RAB7A: variants seen among roughly 807,000 people sequenced by gnomAD.
The protein encoded by RAB7A is RAB7A, member RAS oncogene family, also known as ras-related protein Rab-7a.
RAB7A carries 2 observed loss-of-function variants against 24.5 expected under a neutral mutation model. The observed-to-expected ratio is 0.08, with a 90% confidence interval of 0.03 to 0.26. The LOEUF (loss-of-function observed/expected upper bound fraction) is 0.26, where lower values mean the gene tolerates loss of function less well. Among genes scored for constraint, RAB7A ranks in the 10% least tolerant of loss-of-function variants. The probability of loss-of-function intolerance (pLI) is 1.00; values close to 1 mark genes in which losing one functional copy is unlikely to be tolerated. For synonymous variants in RAB7A, 100 were observed against 95.9 expected (o/e 1.04, Z -0.25); for missense variants, 118 against 255.7 (o/e 0.46, Z 3.67).
intron 1 of RAB7A, among the ~76,000 whole-genome samples, chr3:128,752,698 A>G (rs975097832): frequency 2.7e-5 from 4 of 150,150 alleles, no homozygotes; most frequent in South Asian, 2.1e-4. Flanking sequence ...GGAATAATCC[A>G]TAGTGGTTTT....
intron 1 of RAB7A, among the ~76,000 whole-genome samples, chr3:128,783,606 T>C (rs1276175317): frequency 2.0e-5 from 3 of 152,204 alleles, no homozygotes; most frequent in Non-Finnish European, 2.9e-5. Context: ...CTCAGGCCTC[T>C]AGCCTTGGTG....
chr3:128,733,539 A>G (rs2070458373), intron 1 of RAB7A, among the ~76,000 whole-genome samples: 1 of 152,208 alleles, frequency 6.6e-6, no homozygotes, highest in South Asian at 2.1e-4. Context: ...TCAATTCTGA[A>G]GGTTAGAAAT....
chr3:128,771,572 T>C (rs550796325), intron 1 of RAB7A, among the ~76,000 whole-genome samples: 7 of 152,372 alleles, frequency 4.6e-5, no homozygotes, highest in East Asian at 1.9e-4. Flanking sequence ...TGTACTCATA[T>C]CTTCACAGGA....
chr3:128,730,935 A>G (rs574931370), intron 1 of RAB7A, among the ~76,000 whole-genome samples: 1 of 152,188 alleles, frequency 6.6e-6, no homozygotes, highest in African/African-American at 2.4e-5. Context: ...AAGGGAGCCT[A>G]TTTAAGGGGA....
chr3:128,793,289 A>G (rs1379491685), intron 1 of RAB7A, among the ~76,000 whole-genome samples: 2 of 146,796 alleles, frequency 1.4e-5, no homozygotes, highest in East Asian at 2.1e-4. Context: ...CCAAAGTGCT[A>G]GGATTACAGG....
At chr3:128,796,147 C>T (rs1253499970) in intron 2 of RAB7A, among the ~76,000 whole-genome samples, 2 of 152,124 alleles carry the variant, frequency 1.3e-5, no homozygotes, top group Non-Finnish European at 2.9e-5. Flanking sequence ...GAACTGGGTT[C>T]TGATTCTAGA....
intron 1 of RAB7A, among the ~76,000 whole-genome samples, chr3:128,776,707 T>C (rs904402563): frequency 1.4e-4 from 22 of 152,092 alleles, no homozygotes. Flanking sequence ...ACTGATTCCA[T>C]ATCCTTTGGC....
chr3:128,729,591 C>T (rs113921425), intron 1 of RAB7A, among the ~76,000 whole-genome samples: 83 of 146,292 alleles, frequency 5.7e-4, no homozygotes, highest in African/African-American at 2.0e-3. Flanking sequence ...AAAAAAAAGT[C>T]TTCAAAGGGA....
rs543055385 is a variant in RAB7A, at chr3:128,755,760, A to G, written c.-9+29401A>G. ...TGGAAGATTTTTTAATTTCATGAAT[A>G]ATGGTAATGATTTTTTTTAAATTAT... On this transcript the variant is annotated intron_variant, in intron 1 of 5. Coordinates refer to ENST00000265062, the MANE Select transcript of RAB7A (RefSeq NM_004637.6). Among the ~76,000 whole-genome samples, 22 of 152,276 alleles carry G rather than the reference A, an allele frequency of 1.4e-4. No individual in the cohort carries two copies. In the East Asian group the frequency reaches 3.9e-3, roughly 27 times the overall value.
At chr3:128,808,230 G>T (rs995124693) in intron 5 of RAB7A, among the ~76,000 whole-genome samples, 12 of 152,024 alleles carry the variant, frequency 7.9e-5, no homozygotes, top group Non-Finnish European at 1.5e-4. Flanking sequence ...CCTGGTGGTG[G>T]TCGCCAGTAA....
intron 1 of RAB7A, among the ~76,000 whole-genome samples, chr3:128,794,817 T>C (rs1477797447): frequency 6.6e-6 from 1 of 151,974 alleles, no homozygotes; most frequent in Non-Finnish European, 1.5e-5. Flanking sequence ...TACTTGGCAT[T>C]GAGTATACAG....
chr3:128,795,537 C>A lies in RAB7A; in HGVS notation c.53+117C>A, dbSNP rs1444224605. ...TTTCATAGTGAGGCTTAGGGCCTTA[C>A]ATGTTTCCCTCCACGGCAGAAATTT... On this transcript the variant is annotated intron_variant, in intron 2 of 5. Transcript: ENST00000265062. The A allele has an allele frequency of 9.9e-6, 9 of 913,298 alleles. No individual in the cohort carries two copies. The South Asian group carries it at 1.2e-4, about 12-fold the overall frequency. The allele number at this position is 913,298 out of a possible 1,614,324, so 56.6% of individuals were successfully genotyped here.
chr3:128,774,185 TA>T (rs34234745), intron 1 of RAB7A, among the ~76,000 whole-genome samples: 31,412 of 114,874 alleles, frequency 0.27, 4,933 homozygotes, highest in African/African-American at 0.5. Context: ...ATGTATTAAC[TA>T]AAAAAAAAAA....
chr3:128,804,865 G>A (rs1933767925), intron 3 of RAB7A, among the ~76,000 whole-genome samples: 1 of 152,148 alleles, frequency 6.6e-6, no homozygotes, highest in African/African-American at 2.4e-5. Context: ...TTAAAAATAG[G>A]AATCGATGGT....
In RAB7A at chr3:128,813,483, A is replaced by G. The variant is rs1433418144; in HGVS notation, c.*61A>G. The G allele has an allele frequency of 4.1e-6, 6 of 1,451,536 alleles. No individual in the cohort carries two copies. Among genetic ancestry groups the G allele is most frequent in the African/African-American group, 2.8e-5 (2 of 71,588 alleles). The allele number at this position is 1,451,536 out of a possible 1,614,324, so 89.9% of individuals were successfully genotyped here. ...AACCAAGAACACACGTAGGCCTTCA[A>G]CACAATTCCCCTCTCCTCTTCCAAA... On this transcript the variant is annotated 3_prime_UTR_variant, in exon 6 of 6. Coordinates refer to ENST00000265062, the MANE Select transcript of RAB7A (RefSeq NM_004637.6).
chr3:128,784,338 A>C (rs1480768657), intron 1 of RAB7A, among the ~76,000 whole-genome samples: 3 of 151,882 alleles, frequency 2.0e-5, no homozygotes, highest in Non-Finnish European at 4.4e-5. Context: ...CATTTCCCAT[A>C]CCCATCCCAA....
chr3:128,752,761 GTTTATTC>G (rs2070698448), intron 1 of RAB7A, among the ~76,000 whole-genome samples: 2 of 136,596 alleles, frequency 1.5e-5, no homozygotes, highest in Non-Finnish European at 3.2e-5. Flanking sequence ...TTTTTAAAGT[GTTTATTC>G]TTTAGGTGGG....
intron 1 of RAB7A, among the ~76,000 whole-genome samples, chr3:128,779,594 T>TG (rs565766953): frequency 0.045 from 1,969 of 43,638 alleles, 27 homozygotes; most frequent in Middle Eastern, 0.16. Flanking sequence ...TGGGGTGGGG[T>TG]GGGGGGGTGG....
chr3:128,737,825 G>GTTTTTTTTTTTTGTTTT (rs2070506374), intron 1 of RAB7A, among the ~76,000 whole-genome samples: 1 of 59,482 alleles, frequency 1.7e-5, no homozygotes, highest in Non-Finnish European at 3.0e-5. Flanking sequence ...TTTTTTTGTA[G>GTTTTTTTTTTTTGTTTT]TTTTTTTTTT....
Sources: allele counts gnomAD v4.1 joint callset (sites outside exome capture counted in the v4.1 genomes callset), GRCh38; gene constraint gnomAD v4.1.1; transcripts MANE v1.5; gene names NCBI Gene and HGNC (gene_info 2026-07-23, HGNC 2026-07-21).